The following GANAB variants were observed in gnomAD, a reference collection of about 807,000 sequenced individuals.
GANAB encodes neutral alpha-glucosidase AB.
Under a neutral mutation model 129.9 loss-of-function variants are expected in GANAB, and 35 were observed. The ratio of observed to expected loss-of-function variants is 0.27; its 90% CI spans 0.21 to 0.36. GANAB has a LOEUF of 0.36. Ranked by LOEUF, GANAB falls within the 10% of genes least tolerant of loss-of-function variation. GANAB has a pLI of 1.00. For synonymous variants in GANAB, 482 were observed against 451.8 expected, an observed-to-expected ratio of 1.07 and a Z score of -0.85; for missense variants, 939 against 1,221.0, an observed-to-expected ratio of 0.77 and a Z score of 3.44.
In GANAB at chr11:62,629,236, T is replaced by A. The variant is rs1460703633; in HGVS notation, c.1894A>T (p.Met632Leu). ...CCCACCAGCCCCAAGCTGAGACACA[T>A]AGGAATAGAGATCTTCAAATGGTCC... Reference protein sequence around the residue: ...EWDHLKISIPMCLSLGLVGLS... With the variant: ...EWDHLKISIPLCLSLGLVGLS... The change falls in exon 16 of 24, where the codon ATG becomes TTG. Residue 632 changes from methionine (M) to leucine (L), a missense_variant. Around this residue, in one of 5 missense-constraint regions of GANAB, gnomAD observed 147 missense variants for 282.4 expected, o/e 0.52. Coordinates refer to ENST00000356638, the MANE Select transcript of GANAB (RefSeq NM_198334.3). 1 of 1,613,318 alleles carries A rather than the reference T, an allele frequency of 6.2e-7. No individual in the cohort carries two copies. Among genetic ancestry groups the A allele is most frequent in the East Asian group, 2.2e-5 (1 of 44,860 alleles).
At chr11:62,636,541 G>A (rs1943946906) in intron 4 of GANAB, among the ~76,000 whole-genome samples, 1 of 152,110 alleles carries the variant, frequency 6.6e-6, no homozygotes, top group Non-Finnish European at 1.5e-5. Context: ...TTTTGGCCAG[G>A]CATGGTGGCT....
chr11:62,639,316 C>T, intron 3 of GANAB, 43 bp downstream of exon 3: 1 of 1,356,896 alleles, frequency 7.4e-7, no homozygotes, highest in Non-Finnish European at 1.1e-6. Flanking sequence ...TACCCCACAG[C>T]CATTGCCCCA....
chr11:62,629,336 G>A (rs373959863), intron 15 of GANAB, 41 bp from the exon 16 acceptor site: 79 of 1,395,204 alleles, frequency 5.7e-5, no homozygotes, highest in Non-Finnish European at 7.9e-5. Context: ...CATGGTAAAG[G>A]AGTTCAGCTT....
At chr11:62,635,177 T>C (rs1943889131) in intron 4 of GANAB, among the ~76,000 whole-genome samples, 177 bp from the exon 5 acceptor site, 1 of 151,862 alleles carries the variant, frequency 6.6e-6, no homozygotes, top group Admixed American at 6.6e-5. Flanking sequence ...CAAGCATATT[T>C]ATTACTTTTT....
intron 4 of GANAB, 31 bp downstream of exon 4, chr11:62,638,952 C>T: frequency 6.2e-7 from 1 of 1,607,880 alleles, no homozygotes; most frequent in Non-Finnish European, 8.5e-7. Context: ...AAAGGGGCCA[C>T]AGAAATGGAT....
chr11:62,627,868 GCTT>G (rs1289944041), intron 17 of GANAB, among the ~76,000 whole-genome samples: 3 of 152,200 alleles, frequency 2.0e-5, no homozygotes, highest in Non-Finnish European at 4.4e-5. Flanking sequence ...CCATCTCCCT[GCTT>G]CTTCTCTGCC....
intron 20 of GANAB, 33 bp downstream of exon 20, chr11:62,626,827 G>A: frequency 6.6e-7 from 1 of 1,525,256 alleles, no homozygotes; most frequent in Non-Finnish European, 9.1e-7. Context: ...TTTACAGGGA[G>A]ATGGAACCGG....
Position 62,630,727 on chromosome 11 carries a change from G to T in GANAB, c.1260C>A (p.Asn420Lys). ...LEVDQGFDDH[N>K]LPCDVIWLDI... is the part of the protein sequence containing the mutation. ...CTAGCCAGATGACATCACAGGGCAG[G>T]TTGTGATCATCAAAGCCCTGATCCA... The change falls in exon 11 of 24, where the codon AAC becomes AAA. Residue 420 changes from asparagine to lysine, a missense_variant. Asn to Lys is a moderately conservative substitution (Grantham distance 94, BLOSUM62 0). Around this residue, in one of 5 missense-constraint regions of GANAB, gnomAD observed 220 missense variants for 295.9 expected, o/e 0.74. Coordinates refer to ENST00000356638, the MANE Select transcript of GANAB (RefSeq NM_198334.3). The T allele has an allele frequency of 1.2e-6, 2 of 1,613,814 alleles. No individual in the cohort carries two copies. Among genetic ancestry groups the T allele is most frequent in the Non-Finnish European group, 1.7e-6 (2 of 1,179,694 alleles).
At chr11:62,627,523 G>A (rs1156775775) in intron 17 of GANAB, among the ~76,000 whole-genome samples, 170 bp from the exon 18 acceptor site, 1 of 152,174 alleles carries the variant, frequency 6.6e-6, no homozygotes, top group Non-Finnish European at 1.5e-5. Context: ...CCTGAGGTCA[G>A]GAGTTCGAGA....
Position 62,634,859 on chromosome 11 carries a change from T to G in GANAB, c.522A>C (p.Gly174=). The part of the protein sequence containing the change: ...RSLLLSVNAR[G]LLEFEHQRAP... ...CCCTCTGATGCTCAAACTCCAAGAG[T>G]CCTCGGGCATTGACACTAAGCAAAA... The change falls in exon 5 of 24, where the codon GGA becomes GGC. Residue 174 remains glycine (G), a synonymous_variant. Coordinates refer to ENST00000356638, the MANE Select transcript of GANAB (RefSeq NM_198334.3). The G allele has an allele frequency of 6.2e-7, 1 of 1,613,670 alleles. No individual in the cohort carries two copies. Among genetic ancestry groups the G allele is most frequent in the East Asian group, 2.2e-5 (1 of 44,870 alleles).
intron 1 of GANAB, among the ~76,000 whole-genome samples, chr11:62,644,810 G>A (rs971650122): frequency 4.6e-5 from 7 of 152,182 alleles, no homozygotes; most frequent in African/African-American, 9.6e-5. Context: ...GCAACAGAGC[G>A]AGACCCTGTT....
intron 1 of GANAB, among the ~76,000 whole-genome samples, chr11:62,642,196 G>C (rs572433330): frequency 6.6e-6 from 1 of 151,960 alleles, no homozygotes; most frequent in Non-Finnish European, 1.5e-5. Flanking sequence ...GCAACAGAGC[G>C]TGACTCTGAC....
intron 17 of GANAB, 90 bp downstream of exon 17, chr11:62,628,679 G>A (rs1184640169): frequency 3.8e-6 from 5 of 1,319,930 alleles, no homozygotes; most frequent in Non-Finnish European, 5.4e-6. Flanking sequence ...AGGCTGTAGT[G>A]AGTGAAGAAA....
rs747888174 is a variant in GANAB at position 62,626,387 on chromosome 11, G to T, written c.2572C>A (p.Gln858Lys). ...GAGAATCGACGCAGCAGGAACTCTTGGCGAGTCTGATAGTTGAACGTGTGC... is the reference window on the plus strand; with the variant it reads ...GAGAATCGACGCAGCAGGAACTCTTTGCGAGTCTGATAGTTGAACGTGTGC... ...DGHTFNYQTRQEFLLRRFSFS... is the reference protein window; with the variant it reads ...DGHTFNYQTRKEFLLRRFSFS... Residue 858 changes from glutamine (Q) to lysine (K), a missense_variant, in exon 22 of 24, where the codon CAA becomes AAA. Transcript: ENST00000356638. The T allele has an allele frequency of 9.9e-6, 16 of 1,613,646 alleles. No homozygotes were observed. Among genetic ancestry groups the T allele is most frequent in the Admixed American group, 5.0e-5 (3 of 60,024 alleles).
At position 62,630,847 on chromosome 11, in the gene GANAB, A is replaced by G; in HGVS notation, c.1151-11T>C. On this transcript the variant is annotated splice_polypyrimidine_tract_variant and intron_variant, in intron 10 of 23. Transcript: ENST00000356638. ...GCAACGCCTGGGTTCCTGCAGGTTC[A>G]TGAGGGATGGGGGTCACAACGAGGA... is the stretch of plus-strand genomic sequence containing the variant. The G allele has an allele frequency of 6.2e-7, 1 of 1,601,794 alleles. No homozygotes were observed. Among genetic ancestry groups the G allele is most frequent in the Non-Finnish European group, 8.5e-7 (1 of 1,169,872 alleles).
At position 62,630,592 on chromosome 11, in the gene GANAB, A is replaced by G; in HGVS notation, c.1386+9T>C. On this transcript the variant is annotated intron_variant, in intron 11 of 23. Coordinates refer to ENST00000356638, the MANE Select transcript of GANAB (RefSeq NM_198334.3). ...CCTGAGAAGACCAAGCGTGACTGCA[A>G]CCCCTTACCTTCCGCCTCTTAGAAG... 6.2e-7 allele frequency: 1 copy of G among 1,611,054 alleles called. No individual in the cohort carries two copies. The highest frequency in any genetic ancestry group is 1.7e-4 in the Middle Eastern group (1 of 6,048).
intron 1 of GANAB, among the ~76,000 whole-genome samples, chr11:62,645,194 T>C (rs1161004079): frequency 6.6e-6 from 1 of 152,168 alleles, no homozygotes; most frequent in Non-Finnish European, 1.5e-5. Context: ...ACAGGCACTC[T>C]TGGCCACTGA....
chr11:62,642,721 T>C (rs572321585), intron 1 of GANAB, among the ~76,000 whole-genome samples: 1 of 152,202 alleles, frequency 6.6e-6, no homozygotes, highest in East Asian at 1.9e-4. Context: ...CGTTGTGTCA[T>C]CGCGCCCCAC....
intron 4 of GANAB, among the ~76,000 whole-genome samples, chr11:62,638,223 G>A (rs187964943): frequency 2.0e-5 from 3 of 152,190 alleles, no homozygotes; most frequent in South Asian, 4.1e-4. Context: ...ACACAATCTC[G>A]GCTCACTGCA....
Sources: gnomAD v4.1 joint callset for allele counts (sites outside exome capture counted in the v4.1 genomes callset) on GRCh38, gnomAD v4.1.1 for gene constraint, gnomAD v4.1.1 regional missense constraint, MANE v1.5 for transcripts, NCBI Gene and HGNC (gene_info 2026-07-23, HGNC 2026-07-21) for gene names.